PTPRD: variants seen among roughly 807,000 people sequenced by gnomAD.
The protein encoded by PTPRD is protein tyrosine phosphatase receptor type D, also known as receptor-type tyrosine-protein phosphatase delta.
Under a neutral mutation model 214.5 loss-of-function variants are expected in PTPRD, and 34 were observed. The observed-to-expected ratio is 0.16, with a 90% CI of 0.12 to 0.21. PTPRD has a LOEUF of 0.21. PTPRD is among the 10% of genes least tolerant of loss of function. The pLI is 1.00. For missense variants in PTPRD, 2,545 were observed against 2,398.7 expected, an observed-to-expected ratio of 1.06 and a Z score of -1.27; for synonymous variants, 1,128 against 845.7, an observed-to-expected ratio of 1.33 and a Z score of -5.79.
intron 2 of PTPRD, among the ~76,000 whole-genome samples, chr9:10,604,142 A>T (rs1253945860): frequency 6.6e-6 from 1 of 151,166 alleles, no homozygotes; most frequent in East Asian, 2.0e-4. Context: ...GAGGAAAGAA[A>T]AGCCTGCCAT....
At chr9:10,294,726 A>G (rs2095625985) in intron 3 of PTPRD, among the ~76,000 whole-genome samples, 1 of 151,978 alleles carries the variant, frequency 6.6e-6, no homozygotes, top group Admixed American at 6.6e-5. Flanking sequence ...TGTAGCTAGA[A>G]TGTATCAGAA....
intron 33 of PTPRD, among the ~76,000 whole-genome samples, chr9:8,453,232 C>A (rs373847155): frequency 1.3e-5 from 2 of 152,122 alleles, no homozygotes; most frequent in African/African-American, 2.4e-5. Context: ...GGTGCGATCT[C>A]GGCTCACTGC....
At chr9:9,232,172 C>G (rs1448854939) in intron 9 of PTPRD, among the ~76,000 whole-genome samples, 1 of 152,106 alleles carries the variant, frequency 6.6e-6, no homozygotes, top group Non-Finnish European at 1.5e-5. Flanking sequence ...TTCTTTAGCA[C>G]TTGTAGTGCA....
At chr9:9,063,894 C>G (rs918636910) in intron 10 of PTPRD, among the ~76,000 whole-genome samples, 13 of 152,070 alleles carry the variant, frequency 8.5e-5, no homozygotes, top group African/African-American at 3.1e-4. Context: ...AATGGTTTTG[C>G]AATAATTCAA....
At chr9:9,247,202 C>T (rs1235363506) in intron 9 of PTPRD, among the ~76,000 whole-genome samples, 1 of 151,982 alleles carries the variant, frequency 6.6e-6, no homozygotes, top group Non-Finnish European at 1.5e-5. Context: ...AGAAGGGGTC[C>T]TTCCCTATAC....
At position 8,507,378 on chromosome 9, in the gene PTPRD, G is replaced by A. The variant is rs866359023; in HGVS notation, c.1600C>T (p.Leu534Phe). ...TCTGAACGTGGAGGTGTCCAAGAGA[G>A]CAAAATACTTGTTTCAGACTCAGGT... is the stretch of plus-strand genomic sequence containing the variant. ...AEPESETSILLSWTPPRSDTI... is the reference protein window; with the variant it reads ...AEPESETSILFSWTPPRSDTI... The change falls in exon 22 of 46, where the codon CTC becomes TTC. Residue 534 changes from leucine (L) to phenylalanine (F), a missense_variant. Physicochemically the swap from Leu to Phe is conservative, Grantham distance 22. Coordinates refer to ENST00000381196, the MANE Select transcript of PTPRD (RefSeq NM_002839.4). The A allele has an allele frequency of 1.9e-6, 3 of 1,613,894 alleles. No individual in the cohort carries two copies. Among genetic ancestry groups the A allele is most frequent in the African/African-American group, 2.7e-5 (2 of 74,934 alleles).
At chr9:9,879,712 G>A (rs1431352697) in intron 5 of PTPRD, among the ~76,000 whole-genome samples, 2 of 152,136 alleles carry the variant, frequency 1.3e-5, no homozygotes, top group Non-Finnish European at 2.9e-5. Flanking sequence ...AAGATCAAGA[G>A]GTGAGATGTC....
intron 2 of PTPRD, among the ~76,000 whole-genome samples, chr9:10,579,418 C>T (rs2070853242): frequency 1.3e-5 from 2 of 152,152 alleles, no homozygotes; most frequent in Non-Finnish European, 2.9e-5. Flanking sequence ...CCTCCAGCTG[C>T]ACCCATGTTG....
intron 9 of PTPRD, among the ~76,000 whole-genome samples, chr9:9,318,688 T>G (rs112661965): frequency 6.6e-6 from 1 of 152,196 alleles, no homozygotes; most frequent in African/African-American, 2.4e-5. Context: ...TTTCTAATTA[T>G]AGCCTATGTT....
At chr9:9,944,268 A>G (rs10978120) in intron 4 of PTPRD, among the ~76,000 whole-genome samples, 4,703 of 152,190 alleles carry the variant, frequency 0.031, 119 homozygotes, top group East Asian at 0.17. Context: ...ACTTATAACA[A>G]TCTGTCTCAG....
At chr9:8,786,768 G>A (rs564624813) in intron 11 of PTPRD, among the ~76,000 whole-genome samples, 67 of 151,762 alleles carry the variant, frequency 4.4e-4, no homozygotes, top group African/African-American at 1.5e-3. Flanking sequence ...GTGGGGGGGC[G>A]GGGGGCGAGG....
At chr9:9,923,490 A>AT (rs2083257142) in intron 5 of PTPRD, among the ~76,000 whole-genome samples, 2 of 151,718 alleles carry the variant, frequency 1.3e-5, no homozygotes, top group Non-Finnish European at 1.5e-5. Flanking sequence ...CACACACAAA[A>AT]AAATCGATCT....
At chr9:9,383,077 A>AT (rs2062813800) in intron 9 of PTPRD, among the ~76,000 whole-genome samples, 1 of 152,024 alleles carries the variant, frequency 6.6e-6, no homozygotes, top group Non-Finnish European at 1.5e-5. Context: ...CTGTGTTTCT[A>AT]TATTTCTTAA....
chr9:9,983,038 C>A (rs1439525752), intron 4 of PTPRD, among the ~76,000 whole-genome samples: 6 of 142,972 alleles, frequency 4.2e-5, no homozygotes. Context: ...TAGTGTAAAT[C>A]AAATACTTAA....
intron 11 of PTPRD, among the ~76,000 whole-genome samples, chr9:8,822,043 T>C (rs2097078983): frequency 6.6e-6 from 1 of 152,246 alleles, no homozygotes; most frequent in African/African-American, 2.4e-5. Context: ...GCCACCACTT[T>C]GGCAAACATG....
At chr9:8,527,462 A>T in intron 15 of PTPRD, 109 bp from the exon 16 acceptor site, 1 of 909,840 alleles carries the variant, frequency 1.1e-6, no homozygotes, top group South Asian at 1.6e-5. Context: ...TAAATCATCT[A>T]TGTTACATGT....
intron 3 of PTPRD, among the ~76,000 whole-genome samples, chr9:10,110,582 G>C (rs933756184): frequency 2.6e-5 from 4 of 151,844 alleles, no homozygotes; most frequent in Non-Finnish European, 2.9e-5. Context: ...GGTTGCCTGA[G>C]ATTGTTTCAA....
chr9:9,545,798 T>G (rs1363605212), intron 8 of PTPRD, among the ~76,000 whole-genome samples: 1 of 151,872 alleles, frequency 6.6e-6, no homozygotes, highest in Non-Finnish European at 1.5e-5. Context: ...ACTGTTCATA[T>G]AAACTTTAGA....
intron 10 of PTPRD, among the ~76,000 whole-genome samples, chr9:9,080,663 T>C (rs947800878): frequency 6.6e-6 from 1 of 152,138 alleles, no homozygotes; most frequent in African/African-American, 2.4e-5. Context: ...TCTATCCCAC[T>C]TAACCAGAAG....
Sources: gnomAD v4.1 joint callset for allele counts (sites outside exome capture counted in the v4.1 genomes callset) on GRCh38, gnomAD v4.1.1 for gene constraint, MANE v1.5 for transcripts, NCBI Gene and HGNC (gene_info 2026-07-23, HGNC 2026-07-21) for gene names.